CACNA2D3: variants seen among roughly 807,000 people sequenced by gnomAD.
The protein encoded by CACNA2D3 is calcium voltage-gated channel auxiliary subunit alpha2delta 3.
CACNA2D3 carries 60 observed loss-of-function variants against 160.6 expected under a neutral mutation model. The observed-to-expected ratio is 0.37, with a 90% CI of 0.30 to 0.46. The LOEUF is 0.46. CACNA2D3 is among the 20% of genes least tolerant of loss of function. The pLI is 1.00. For missense variants in CACNA2D3, 1,205 were observed against 1,365.0 expected, an observed-to-expected ratio of 0.88 and a Z score of 1.85; for synonymous variants, 558 against 492.9, an observed-to-expected ratio of 1.13 and a Z score of -1.75.
chr3:54,916,497 C>A (rs988900499), intron 27 of CACNA2D3, among the ~76,000 whole-genome samples: 1 of 152,140 alleles, frequency 6.6e-6, no homozygotes, highest in Non-Finnish European at 1.5e-5. Context: ...ATTTCAGTTT[C>A]TTTCGATATT....
intron 13 of CACNA2D3, among the ~76,000 whole-genome samples, chr3:54,769,102 AAAC>A (rs1207383501): frequency 6.6e-6 from 1 of 152,128 alleles, no homozygotes; most frequent in African/African-American, 2.4e-5. Context: ...ACGAACAAAC[AAAC>A]AACAACAAAA....
At chr3:54,542,189 G>A (rs1277555441) in intron 5 of CACNA2D3, among the ~76,000 whole-genome samples, 1 of 151,862 alleles carries the variant, frequency 6.6e-6, no homozygotes, top group African/African-American at 2.4e-5. Flanking sequence ...AGCCTCCCGA[G>A]TAGCTGGGAT....
chr3:54,665,325 C>T (rs1034058311), intron 11 of CACNA2D3, among the ~76,000 whole-genome samples: 3 of 152,132 alleles, frequency 2.0e-5, no homozygotes, highest in African/African-American at 7.2e-5. Flanking sequence ...TCTAATTATG[C>T]CTATGGAATA....
rs571079328 is a variant in CACNA2D3, at chr3:55,017,539, C to G, written c.2876-667C>G. 2.0e-5 allele frequency among the ~76,000 whole-genome samples: 3 copies of G among 152,274 alleles called. No individual in the cohort carries two copies. The South Asian group carries it at 6.2e-4, about 32-fold the overall frequency. On this transcript the variant is annotated intron_variant, in intron 34 of 37. Transcript: ENST00000474759. ...TTTTATTTACTTCTCACATCAACCT[C>G]TGATAGAACTTTATTATCCTCAGTT...
chr3:54,308,812 G>T (rs1703667348), intron 2 of CACNA2D3, among the ~76,000 whole-genome samples: 1 of 152,092 alleles, frequency 6.6e-6, no homozygotes, highest in Admixed American at 6.5e-5. Flanking sequence ...TATTGTTATT[G>T]TGGTCATTCC....
intron 2 of CACNA2D3, among the ~76,000 whole-genome samples, chr3:54,271,959 A>G (rs1702630855): frequency 6.6e-6 from 1 of 152,220 alleles, no homozygotes; most frequent in Non-Finnish European, 1.5e-5. Flanking sequence ...GCAATTCTTC[A>G]GGGAGTCGTT....
At chr3:54,725,423 A>G (rs919244178) in intron 11 of CACNA2D3, among the ~76,000 whole-genome samples, 2 of 152,226 alleles carry the variant, frequency 1.3e-5, no homozygotes, top group Non-Finnish European at 2.9e-5. Flanking sequence ...TGAGGCCAGC[A>G]TCATCCTGAT....
rs115369769 is a variant in CACNA2D3 at position 55,005,311 on chromosome 3, A to T, written c.2766+473A>T. On this transcript the variant is annotated intron_variant, in intron 32 of 37. Coordinates refer to ENST00000474759, the MANE Select transcript of CACNA2D3 (RefSeq NM_018398.3). ...AATTAAATTAAATTAAATTAAAATT[A>T]AAAAAAGCCACTGCTATATCAACTG... is the stretch of plus-strand genomic sequence containing the variant. Among the ~76,000 whole-genome samples the T allele has an allele frequency of 6.7e-3, 1,025 of 152,172 alleles. 10 individuals are homozygous for T. Among genetic ancestry groups the T allele is most frequent in the African/African-American group, 0.022 (932 of 41,540 alleles).
intron 29 of CACNA2D3, among the ~76,000 whole-genome samples, chr3:54,976,792 G>A (rs1396865539): frequency 6.6e-6 from 1 of 152,172 alleles, no homozygotes; most frequent in Non-Finnish European, 1.5e-5. Flanking sequence ...TCTCAGCTCT[G>A]TTCCTTCCAC....
At chr3:54,815,121 A>G (rs977540639) in intron 13 of CACNA2D3, among the ~76,000 whole-genome samples, 2 of 151,954 alleles carry the variant, frequency 1.3e-5, no homozygotes, top group Admixed American at 6.6e-5. Flanking sequence ...CTCGTGGTCT[A>G]TTTTTTTCTG....
intron 3 of CACNA2D3, among the ~76,000 whole-genome samples, chr3:54,386,471 G>A (rs1011747584): frequency 2.0e-5 from 3 of 152,160 alleles, no homozygotes; most frequent in Admixed American, 6.5e-5. Context: ...TGCAGAACAC[G>A]TGTGCATTTA....
At chr3:54,779,236 T>C (rs1196732562) in intron 13 of CACNA2D3, among the ~76,000 whole-genome samples, 1 of 152,118 alleles carries the variant, frequency 6.6e-6, no homozygotes, top group Non-Finnish European at 1.5e-5. Context: ...TAGTTGGGAC[T>C]ACAAGGTGTG....
intron 35 of CACNA2D3, among the ~76,000 whole-genome samples, chr3:55,037,466 A>G (rs1050773530): frequency 6.6e-6 from 1 of 152,196 alleles, no homozygotes; most frequent in African/African-American, 2.4e-5. Context: ...TTTTGAGAGG[A>G]GGAATTTCAG....
At chr3:55,019,576 A>G (rs935637917) in intron 35 of CACNA2D3, among the ~76,000 whole-genome samples, 2 of 152,186 alleles carry the variant, frequency 1.3e-5, no homozygotes, top group South Asian at 4.1e-4. Context: ...AATAACTAGT[A>G]TATGAACATA....
At chr3:54,195,242 A>G (rs1701057546) in intron 2 of CACNA2D3, among the ~76,000 whole-genome samples, 2 of 151,808 alleles carry the variant, frequency 1.3e-5, no homozygotes, top group South Asian at 4.2e-4. Flanking sequence ...CTGGAGGAAA[A>G]CTCTGACTCC....
chr3:55,068,454 C>A (rs1482693343), intron 35 of CACNA2D3, among the ~76,000 whole-genome samples: 1 of 152,054 alleles, frequency 6.6e-6, no homozygotes, highest in Non-Finnish European at 1.5e-5. Flanking sequence ...TTATTGAGTC[C>A]ATTTACTCTA....
At chr3:54,741,025 C>G (rs1701638075) in intron 11 of CACNA2D3, among the ~76,000 whole-genome samples, 1 of 152,150 alleles carries the variant, frequency 6.6e-6, no homozygotes, top group African/African-American at 2.4e-5. Flanking sequence ...GAGAAAATCA[C>G]AAGGACTCCA....
chr3:54,743,900 G>A (rs1458756473), intron 11 of CACNA2D3, among the ~76,000 whole-genome samples: 1 of 152,156 alleles, frequency 6.6e-6, no homozygotes, highest in Non-Finnish European at 1.5e-5. Flanking sequence ...GGGTTTTATG[G>A]TATTGGCCAA....
chr3:54,272,449 T>A (rs1702640573), intron 2 of CACNA2D3, among the ~76,000 whole-genome samples: 1 of 152,108 alleles, frequency 6.6e-6, no homozygotes, highest in Non-Finnish European at 1.5e-5. Context: ...AATGTGCTGG[T>A]TGTGGGAGGA....
Sources: gnomAD v4.1 joint callset for allele counts (sites outside exome capture counted in the v4.1 genomes callset) on GRCh38, gnomAD v4.1.1 for gene constraint, MANE v1.5 for transcripts, NCBI Gene and HGNC (gene_info 2026-07-23, HGNC 2026-07-21) for gene names.